Variants in PRELID2 observed in about 807,000 individuals in gnomAD.
The protein encoded by PRELID2 is PRELI domain-containing protein 2.
PRELID2 carries 25 observed loss-of-function variants against 28.4 expected under a neutral mutation model. That is an observed-to-expected ratio of 0.88 (90% CI 0.64 to 1.23). The LOEUF (loss-of-function observed/expected upper bound fraction) is 1.23. Ranked by LOEUF, PRELID2 falls within the 50% of genes most tolerant of loss-of-function variation. The pLI is 0.00. For missense variants in PRELID2, 201 were observed against 214.4 expected, an observed-to-expected ratio of 0.94 and a Z score of 0.39; for synonymous variants, 76 against 71.6, an observed-to-expected ratio of 1.06 and a Z score of -0.31.
At chr5:145,234,449 A>G in the PRELID2 span, among the ~76,000 whole-genome samples, 1 of 152,180 alleles carries the variant, frequency 6.6e-6, no homozygotes, top group African/African-American at 2.4e-5. Flanking sequence ...GTCAGTCATT[A>G]GTCTCTGCCC....
chr5:145,648,439 CTT>C (rs1276180006), intron 1 of PRELID2, among the ~76,000 whole-genome samples: 1 of 151,460 alleles, frequency 6.6e-6, no homozygotes, highest in Non-Finnish European at 1.5e-5. Context: ...AATAACAAAA[CTT>C]TATTTTCAAG....
intron 1 of PRELID2, among the ~76,000 whole-genome samples, chr5:145,691,214 C>T (rs193123173): frequency 1.0e-3 from 158 of 152,262 alleles, no homozygotes; most frequent in Middle Eastern, 3.4e-3. Flanking sequence ...TATAACCATT[C>T]AACAACGTTT....
intron 4 of PRELID2, among the ~76,000 whole-genome samples, chr5:145,806,505 A>G (rs2149835889): frequency 6.6e-6 from 1 of 152,314 alleles, no homozygotes; most frequent in Middle Eastern, 3.4e-3. Flanking sequence ...CACTTAAAGT[A>G]CCTGCCTAAG....
the PRELID2 span, among the ~76,000 whole-genome samples, chr5:145,306,309 T>C: frequency 4.6e-5 from 7 of 152,308 alleles, no homozygotes; most frequent in South Asian, 1.4e-3. Flanking sequence ...TAGATGAAGT[T>C]TGAACACTTG....
downstream of PRELID2, among the ~76,000 whole-genome samples, chr5:145,754,854 C>A (rs1037340378): frequency 1.9e-4 from 29 of 152,230 alleles, 1 homozygote; most frequent in Admixed American, 1.6e-3. Context: ...CTTGTTTGTG[C>A]CCCAGTTGAA....
the PRELID2 span, among the ~76,000 whole-genome samples, chr5:145,349,015 C>T: frequency 1.3e-5 from 2 of 152,026 alleles, no homozygotes; most frequent in African/African-American, 4.8e-5. Flanking sequence ...AGTTGTAAAT[C>T]TGGGTGCACA....
chr5:145,679,491 C>T (rs1754890633), intron 1 of PRELID2, among the ~76,000 whole-genome samples: 2 of 152,190 alleles, frequency 1.3e-5, no homozygotes, highest in Non-Finnish European at 2.9e-5. Context: ...TAGAGTTCAT[C>T]ACTATCTTGA....
At chr5:145,673,711 A>T (rs1754757156) in intron 1 of PRELID2, among the ~76,000 whole-genome samples, 1 of 152,144 alleles carries the variant, frequency 6.6e-6, no homozygotes. Context: ...AAACAAACAA[A>T]TTATGAAAGA....
the PRELID2 span, among the ~76,000 whole-genome samples, chr5:145,450,487 CCATTAGT>C: frequency 6.6e-6 from 1 of 152,000 alleles, no homozygotes; most frequent in African/African-American, 2.4e-5. Flanking sequence ...TGTAGAAAAG[CCATTAGT>C]CACTGAGGCT....
rs373902398 is a variant in PRELID2, at chr5:145,493,261, T to C, written n.71-19946A>G. Among the ~76,000 whole-genome samples, 11 of 152,268 alleles carry C rather than the reference T, an allele frequency of 7.2e-5. 1 individual carries two copies. The highest frequency in any genetic ancestry group is 1.9e-4 in the East Asian group (1 of 5,174). ...GTCAGCTTTAATACTCCCTTCTCCC[T>C]CGCTGCCTATGTCCAGATGATCATC... On this transcript the variant is annotated intron_variant and non_coding_transcript_variant, in intron 1 of 2. Coordinates refer to the PRELID2 transcript ENST00000510259.
chr5:145,566,656 A>T (rs1349129909), intron 1 of PRELID2, among the ~76,000 whole-genome samples: 1 of 152,158 alleles, frequency 6.6e-6, no homozygotes, highest in Admixed American at 6.5e-5. Context: ...CCTGGTCAAC[A>T]TGGTGAAATT....
intron 1 of PRELID2, among the ~76,000 whole-genome samples, chr5:145,722,234 C>T (rs1328106121): frequency 5.3e-5 from 8 of 152,080 alleles, no homozygotes; most frequent in African/African-American, 1.9e-4. Flanking sequence ...ACCGACAACA[C>T]TCTCAGATTA....
rs1244311206 is a variant in PRELID2 at position 145,756,554 on chromosome 5, A to G, written c.*3982T>C. The stretch of plus-strand genomic sequence containing the variant: ...AACACTAACACAGCTGGGGGAGACA[A>G]TGGTTTATTGATCAAGAGAAATTAT... On this transcript the variant is annotated 3_prime_UTR_variant, in exon 7 of 7. Transcript: ENST00000683046. Among the ~76,000 whole-genome samples the G allele has an allele frequency of 6.6e-6, 1 of 152,190 alleles. No individual in the cohort carries two copies. Among genetic ancestry groups the G allele is most frequent in the Non-Finnish European group, 1.5e-5 (1 of 68,036 alleles).
intron 1 of PRELID2, among the ~76,000 whole-genome samples, chr5:145,745,837 G>A (rs1325599285): frequency 3.4e-5 from 5 of 148,620 alleles, no homozygotes; most frequent in Admixed American, 6.8e-5. Flanking sequence ...ACTCCACCCT[G>A]GGTGATAAGA....
At chr5:145,609,418 A>G (rs1036603968) in intron 1 of PRELID2, among the ~76,000 whole-genome samples, 1 of 152,142 alleles carries the variant, frequency 6.6e-6, no homozygotes, top group Non-Finnish European at 1.5e-5. Flanking sequence ...ACCCCTGCTG[A>G]TTACTGTCTC....
chr5:145,333,493 A>T, the PRELID2 span, among the ~76,000 whole-genome samples: 1 of 152,224 alleles, frequency 6.6e-6, no homozygotes, highest in African/African-American at 2.4e-5. Flanking sequence ...CTAGAGAGGC[A>T]GTCTGGCTAC....
the PRELID2 span, among the ~76,000 whole-genome samples, chr5:145,296,885 T>A: frequency 6.6e-6 from 1 of 152,238 alleles, no homozygotes; most frequent in South Asian, 2.1e-4. Context: ...ATTGTCATTC[T>A]AACTGGTGTG....
intron 1 of PRELID2, among the ~76,000 whole-genome samples, chr5:145,587,401 A>G (rs1410953693): frequency 6.6e-6 from 1 of 152,148 alleles, no homozygotes; most frequent in Non-Finnish European, 1.5e-5. Flanking sequence ...ATCAGCAAGC[A>G]TTAGAAAGAT....
the PRELID2 span, chr5:145,451,029 G>A: frequency 4.0e-4 from 61 of 152,132 alleles, no homozygotes; most frequent in African/African-American, 1.3e-3. Context: ...TTGGGAGCTG[G>A]GAATGACCAT....
Sources: gnomAD v4.1 joint callset for allele counts (sites outside exome capture counted in the v4.1 genomes callset) on GRCh38, gnomAD v4.1.1 for gene constraint, MANE v1.5 for transcripts, NCBI Gene and HGNC (gene_info 2026-07-23, HGNC 2026-07-21) for gene names.